The following LEKR1 variants were observed in gnomAD, a reference collection of about 807,000 sequenced individuals.
LEKR1 encodes the protein leucine, glutamate and lysine rich 1.
Under a neutral mutation model 72.4 loss-of-function variants are expected in LEKR1, and 59 were observed. The observed-to-expected ratio is 0.82, with a 90% CI of 0.66 to 1.01. The LOEUF (loss-of-function observed/expected upper bound fraction) is 1.01. Ranked by LOEUF, LEKR1 falls within the 50% of genes least tolerant of loss-of-function variation. LEKR1 has a pLI of 0.00. For missense variants in LEKR1, 728 were observed against 759.2 expected (o/e 0.96, Z 0.48); for synonymous variants, 257 against 263.2 (o/e 0.98, Z 0.23).
At chr3:157,034,050 G>A (rs199977750) in intron 12 of LEKR1, among the ~76,000 whole-genome samples, 14 of 147,582 alleles carry the variant, frequency 9.5e-5, no homozygotes, top group Non-Finnish European at 3.0e-5. Context: ...CTACTGTTCA[G>A]AAAAAAAAAA....
chr3:156,993,495 T>C (rs539807361), intron 9 of LEKR1, among the ~76,000 whole-genome samples: 1 of 151,800 alleles, frequency 6.6e-6, no homozygotes, highest in South Asian at 2.1e-4. Flanking sequence ...TTGCAGTTGG[T>C]GAAAGTAGGA....
Position 156,979,221 on chromosome 3 carries a change from G to T in LEKR1, c.773G>T (p.Gly258Val). The change falls in exon 7 of 13, where the codon GGA becomes GTA. Residue 258 changes from glycine to valine, a missense_variant. Gly to Val is a moderately radical substitution (Grantham distance 109). Coordinates refer to ENST00000356539, the MANE Select transcript of LEKR1 (RefSeq NM_001004316.3). ...LDLQCLVEALGLKLQKAVTEM... is the reference protein window; with the variant it reads ...LDLQCLVEALVLKLQKAVTEM... ...TTACAATGTCTAGTAGAGGCACTTGGATTAAAACTTCAGAAGGCGGTGACA... is the reference window on the plus strand; with the variant it reads ...TTACAATGTCTAGTAGAGGCACTTGTATTAAAACTTCAGAAGGCGGTGACA... 7.8e-7 allele frequency: 1 copy of T among 1,287,118 alleles called. No individual in the cohort carries two copies. 79.7% of individuals were successfully genotyped at this position (1,287,118 alleles called of 1,614,324 possible).
chr3:156,861,999 A>G (rs1371897249), intron 3 of LEKR1, among the ~76,000 whole-genome samples: 1 of 152,116 alleles, frequency 6.6e-6, no homozygotes, highest in Non-Finnish European at 1.5e-5. Flanking sequence ...GGTTTTTACT[A>G]TCAGTATAAA....
intron 2 of LEKR1, among the ~76,000 whole-genome samples, chr3:156,831,582 T>C (rs778815340): frequency 6.6e-6 from 1 of 152,180 alleles, no homozygotes; most frequent in African/African-American, 2.4e-5. Context: ...TCCACATGGC[T>C]GGGGAGGCCT....
At chr3:156,961,872 T>C (rs1462901541) in intron 6 of LEKR1, among the ~76,000 whole-genome samples, 2 of 152,248 alleles carry the variant, frequency 1.3e-5, no homozygotes, top group African/African-American at 4.8e-5. Flanking sequence ...AAGAACTATA[T>C]ATTCAAATGT....
intron 4 of LEKR1, 67 bp from the exon 5 acceptor site, chr3:156,927,362 A>G: frequency 1.6e-6 from 1 of 640,464 alleles, no homozygotes; most frequent in Non-Finnish European, 2.1e-6. Context: ...CTCTAAAACT[A>G]TTTTTGAAGA....
At chr3:156,880,051 G>T (rs764150846) in intron 3 of LEKR1, among the ~76,000 whole-genome samples, 39 of 152,224 alleles carry the variant, frequency 2.6e-4, no homozygotes, top group Admixed American at 2.0e-3. Flanking sequence ...ACCCACTGGG[G>T]CACTGCCTAG....
chr3:156,971,221 C>G (rs1017133178), intron 6 of LEKR1, among the ~76,000 whole-genome samples: 2 of 152,032 alleles, frequency 1.3e-5, no homozygotes, highest in Admixed American at 6.6e-5. Context: ...ACAAACCTGA[C>G]AAAAACAAGA....
In LEKR1 at chr3:157,045,424, C is replaced by T; in HGVS notation, c.1753C>T (p.Leu585Phe). ...GGCTTTGAGTCAAGCCAGAGAACAGCTCCTGGAGCTCAGTAAGCTTCGTGG... is the reference window on the plus strand; with the variant it reads ...GGCTTTGAGTCAAGCCAGAGAACAGTTCCTGGAGCTCAGTAAGCTTCGTGG... ...TEALSQAREQLLELSKLRGSL... is the reference protein window; with the variant it reads ...TEALSQAREQFLELSKLRGSL... Residue 585 changes from leucine (L) to phenylalanine (F), a missense_variant, in exon 13 of 13, where the codon CTC (leucine) becomes TTC (phenylalanine). Leu to Phe is a conservative substitution (Grantham distance 22). Transcript: ENST00000356539. 6.2e-7 allele frequency: 1 copy of T among 1,614,088 alleles called. No individual in the cohort carries two copies. The highest frequency in any genetic ancestry group is 8.5e-7 in the Non-Finnish European group (1 of 1,179,968).
intron 3 of LEKR1, among the ~76,000 whole-genome samples, chr3:156,893,797 A>G (rs1210710073): frequency 1.3e-5 from 2 of 152,188 alleles, no homozygotes; most frequent in African/African-American, 4.8e-5. Flanking sequence ...AAATAGCATA[A>G]TATAGCATCT....
At chr3:157,017,308 C>T (rs891280577) in intron 10 of LEKR1, 1 of 152,154 alleles carries the variant, frequency 6.6e-6, no homozygotes, top group Non-Finnish European at 1.5e-5. Context: ...AATGCAACAC[C>T]TTACTATATG....
At chr3:156,882,938 TG>T (rs1305594880) in intron 3 of LEKR1, among the ~76,000 whole-genome samples, 5 of 149,304 alleles carry the variant, frequency 3.3e-5, no homozygotes, top group African/African-American at 1.2e-4. Flanking sequence ...CACTCATAGG[TG>T]GGAATTGAAC....
chr3:156,886,003 G>T (rs1356458891), intron 3 of LEKR1, among the ~76,000 whole-genome samples: 1 of 152,206 alleles, frequency 6.6e-6, no homozygotes, highest in Non-Finnish European at 1.5e-5. Flanking sequence ...CGGGTTATGG[G>T]TGGAGCCACA....
At chr3:156,979,303 T>C in intron 7 of LEKR1, 28 bp downstream of exon 7, 1 of 809,260 alleles carries the variant, frequency 1.2e-6, no homozygotes, top group African/African-American at 3.4e-5. Context: ...AAACAACTTA[T>C]AACAGTGCTC....
intron 9 of LEKR1, among the ~76,000 whole-genome samples, chr3:156,998,759 C>T (rs1314864613): frequency 6.6e-6 from 1 of 152,162 alleles, no homozygotes; most frequent in Non-Finnish European, 1.5e-5. Flanking sequence ...TTTTAAGCTA[C>T]AGGGAAGGGT....
At chr3:157,040,746 A>G (rs1190704707) in intron 12 of LEKR1, among the ~76,000 whole-genome samples, 1 of 152,166 alleles carries the variant, frequency 6.6e-6, no homozygotes, top group South Asian at 2.1e-4. Flanking sequence ...ACTGATTCAG[A>G]TCTTACTGGG....
chr3:157,025,861 T>TAAAA lies in LEKR1; in HGVS notation c.1368+946_1368+949dup. Among the ~76,000 whole-genome samples, 2 of 146,992 alleles carry TAAAA rather than the reference T, an allele frequency of 1.4e-5. 1 individual carries two copies. Among genetic ancestry groups the TAAAA allele is most frequent in the South Asian group, 4.4e-4 (2 of 4,580 alleles). The stretch of plus-strand genomic sequence containing the variant: ...GACAACATAGCAAGACTGTCTCTAT[T>TAAAA]AAAAAAAAAAAAGACTTAATTAGCC... On this transcript the variant is annotated intron_variant, in intron 11 of 12. Coordinates refer to ENST00000356539, the MANE Select transcript of LEKR1 (RefSeq NM_001004316.3).
intron 6 of LEKR1, among the ~76,000 whole-genome samples, chr3:156,961,258 A>C (rs114815230): frequency 6.6e-6 from 1 of 152,244 alleles, no homozygotes; most frequent in East Asian, 1.9e-4. Context: ...TGAATCTTTT[A>C]AAACAGCTTT....
At chr3:156,896,996 T>C (rs1366432894) in intron 3 of LEKR1, among the ~76,000 whole-genome samples, 3 of 152,046 alleles carry the variant, frequency 2.0e-5, no homozygotes, top group Admixed American at 1.3e-4. Flanking sequence ...GAGCTAAACA[T>C]TGAGTACACA....
Sources: gnomAD v4.1 joint callset for allele counts (sites outside exome capture counted in the v4.1 genomes callset) on GRCh38, gnomAD v4.1.1 for gene constraint, MANE v1.5 for transcripts, NCBI Gene and HGNC (gene_info 2026-07-23, HGNC 2026-07-21) for gene names.